The following RBFOX1 variants were observed in gnomAD, a reference collection of about 807,000 sequenced individuals.
RBFOX1 encodes the protein RNA binding protein fox-1 homolog 1.
In RBFOX1, 8 loss-of-function variants were observed where a neutral mutation model predicts 57.7. The observed-to-expected ratio is 0.14, with a 90% CI of 0.08 to 0.25. The LOEUF (loss-of-function observed/expected upper bound fraction) is 0.25. RBFOX1 is among the 10% of genes least tolerant of loss of function. RBFOX1 has a pLI of 1.00. For missense variants in RBFOX1, 611 were observed against 548.5 expected, an observed-to-expected ratio of 1.11 and a Z score of -1.14; for synonymous variants, 326 against 222.4, an observed-to-expected ratio of 1.47 and a Z score of -4.15.
rs28627076 is a variant in RBFOX1, at chr16:6,974,206, G to C, written c.-15-77851G>C. Among the ~76,000 whole-genome samples the C allele has an allele frequency of 6.0e-3, 905 of 152,068 alleles. 12 individuals carry two copies. The highest frequency in any genetic ancestry group is 0.021 in the African/African-American group (865 of 41,472). On this transcript the variant is annotated intron_variant, in intron 3 of 15. Transcript: ENST00000550418. The stretch of plus-strand genomic sequence containing the variant: ...TGCTGAGCATTTGTTTTGATTCCAT[G>C]TCTTTGCTTAATGGGGGATAGTTGT...
At chr16:7,190,536 G>T (rs907488974) in intron 4 of RBFOX1, among the ~76,000 whole-genome samples, 3 of 151,386 alleles carry the variant, frequency 2.0e-5, no homozygotes, top group African/African-American at 4.9e-5. Context: ...TCTATCTGAT[G>T]AGCTGGAGAG....
chr16:7,003,191 T>C (rs1024937615), intron 3 of RBFOX1, among the ~76,000 whole-genome samples: 1 of 152,098 alleles, frequency 6.6e-6, no homozygotes, highest in African/African-American at 2.4e-5. Context: ...CCAGGCACGG[T>C]GGCTCACGCC....
intron 3 of RBFOX1, among the ~76,000 whole-genome samples, chr16:5,709,711 T>A (rs2051381089): frequency 1.1e-5 from 1 of 89,284 alleles, no homozygotes; most frequent in African/African-American, 2.8e-5. Flanking sequence ...CCTGGTATTC[T>A]ATGGTATATA....
At chr16:5,941,866 C>T (rs183399728) in intron 4 of RBFOX1, among the ~76,000 whole-genome samples, 8 of 151,980 alleles carry the variant, frequency 5.3e-5, no homozygotes, top group African/African-American at 1.9e-4. Flanking sequence ...CAGTACATCC[C>T]CTTTTCCGGC....
intron 2 of RBFOX1, among the ~76,000 whole-genome samples, chr16:5,512,811 A>G (rs2043651982): frequency 6.6e-6 from 1 of 152,150 alleles, no homozygotes; most frequent in Non-Finnish European, 1.5e-5. Context: ...GGATTCCTTT[A>G]GTTCTTGCCT....
chr16:7,649,005 C>T (rs1210438197), intron 11 of RBFOX1, among the ~76,000 whole-genome samples: 1 of 152,136 alleles, frequency 6.6e-6, no homozygotes, highest in Admixed American at 6.5e-5. Context: ...AGTTGTGTTA[C>T]AGGAAAAGGG....
At chr16:5,734,833 G>A (rs1402436692) in intron 3 of RBFOX1, among the ~76,000 whole-genome samples, 3 of 152,146 alleles carry the variant, frequency 2.0e-5, no homozygotes, top group Non-Finnish European at 4.4e-5. Context: ...AGATAAGGGT[G>A]TTTAAGAAAG....
At chr16:6,036,235 T>C (rs1201149182) in intron 1 of RBFOX1, among the ~76,000 whole-genome samples, 1 of 152,136 alleles carries the variant, frequency 6.6e-6, no homozygotes, top group African/African-American at 2.4e-5. Context: ...TGAGGGAGCT[T>C]TAAAGAGATG....
chr16:5,586,363 A>G (rs1006969664), intron 2 of RBFOX1, among the ~76,000 whole-genome samples: 7 of 152,238 alleles, frequency 4.6e-5, no homozygotes, highest in Non-Finnish European at 8.8e-5. Context: ...TGATTATCAT[A>G]TAAAGCCAAA....
At chr16:7,371,122 A>G (rs1336449412) in intron 4 of RBFOX1, among the ~76,000 whole-genome samples, 2 of 152,182 alleles carry the variant, frequency 1.3e-5, no homozygotes, top group African/African-American at 4.8e-5. Flanking sequence ...CATAAATGCC[A>G]AGGCCTGCCT....
intron 4 of RBFOX1, among the ~76,000 whole-genome samples, chr16:7,083,097 G>C (rs568472894): frequency 1.2e-4 from 18 of 152,276 alleles, no homozygotes; most frequent in Non-Finnish European, 2.5e-4. Context: ...TCATTTCAAG[G>C]AACAAGGTTT....
intron 4 of RBFOX1, among the ~76,000 whole-genome samples, chr16:7,129,673 A>AAAGGGG (rs2069660927): frequency 6.6e-6 from 1 of 152,098 alleles, no homozygotes; most frequent in Admixed American, 6.6e-5. Context: ...GGCCTTGCAG[A>AAAGGGG]AAGGGGCAGA....
intron 4 of RBFOX1, among the ~76,000 whole-genome samples, chr16:7,054,717 A>T (rs1185633631): frequency 6.6e-6 from 1 of 152,182 alleles, no homozygotes; most frequent in Non-Finnish European, 1.5e-5. Context: ...ACTGTCTGCA[A>T]GCCACAATAA....
chr16:6,973,953 G>A (rs57846728), intron 3 of RBFOX1, among the ~76,000 whole-genome samples: 2 of 152,042 alleles, frequency 1.3e-5, no homozygotes, highest in African/African-American at 2.4e-5. Flanking sequence ...GCAGACCCCA[G>A]TGTGTGGTGT....
chr16:6,391,218 T>G (rs1038500521), intron 2 of RBFOX1, among the ~76,000 whole-genome samples: 2 of 152,092 alleles, frequency 1.3e-5, no homozygotes, highest in Non-Finnish European at 2.9e-5. Context: ...CAATTAAGTA[T>G]CACGATTTGG....
chr16:7,220,638 C>G (rs139460751), intron 4 of RBFOX1, among the ~76,000 whole-genome samples: 411 of 152,260 alleles, frequency 2.7e-3, no homozygotes, highest in Non-Finnish European at 4.5e-3. Flanking sequence ...GACTTGTTAC[C>G]TGGACTTTTG....
In RBFOX1 at chr16:5,908,939, A is replaced by G. The variant is rs372422391; in HGVS notation, c.351+41604A>G. 9.2e-5 allele frequency among the ~76,000 whole-genome samples: 14 copies of G among 152,164 alleles called. No homozygotes were observed. The East Asian group carries it at 2.7e-3, about 29-fold the overall frequency. On this transcript the variant is annotated intron_variant, in intron 4 of 19. Coordinates refer to the RBFOX1 transcript ENST00000641259. ...AGCAAGAAGCTGGCTGTCTGTCAAC[A>G]GGGGAAGTGAGCCCTCACCAAACAC... is the stretch of plus-strand genomic sequence containing the variant.
chr16:5,574,661 C>T (rs775026089), intron 2 of RBFOX1, among the ~76,000 whole-genome samples: 1 of 152,036 alleles, frequency 6.6e-6, no homozygotes, highest in Non-Finnish European at 1.5e-5. Context: ...GAACTCCTGA[C>T]CTCAAGTGAT....
At chr16:6,341,792 A>G (rs1189014404) in intron 2 of RBFOX1, among the ~76,000 whole-genome samples, 1 of 152,080 alleles carries the variant, frequency 6.6e-6, no homozygotes, top group Non-Finnish European at 1.5e-5. Flanking sequence ...TTTGGTTTGC[A>G]TTGTGGGCTC....
Sources: gnomAD v4.1 joint callset for allele counts (sites outside exome capture counted in the v4.1 genomes callset) on GRCh38, gnomAD v4.1.1 for gene constraint, MANE v1.5 for transcripts, NCBI Gene and HGNC (gene_info 2026-07-23, HGNC 2026-07-21) for gene names.